The following RBPJ variants were observed in gnomAD, a reference collection of about 807,000 sequenced individuals.
RBPJ encodes the protein recombining binding protein suppressor of hairless.
RBPJ carries 9 observed loss-of-function variants against 67.8 expected under a neutral mutation model. The observed-to-expected ratio is 0.13, with a 90% CI of 0.08 to 0.23. The LOEUF (loss-of-function observed/expected upper bound fraction) is 0.23, where lower values mean the gene tolerates loss of function less well. RBPJ is among the 10% of genes least tolerant of loss of function. The pLI, the probability that RBPJ is intolerant of heterozygous loss-of-function variation, is 1.00. For synonymous variants in RBPJ, 198 were observed against 203.3 expected, an observed-to-expected ratio of 0.97 and a Z score of 0.22; for missense variants, 305 against 595.6, an observed-to-expected ratio of 0.51 and a Z score of 5.08.
intron 1 of RBPJ, among the ~76,000 whole-genome samples, chr4:26,281,828 T>C (rs895658226): frequency 1.4e-4 from 21 of 152,368 alleles, no homozygotes; most frequent in Middle Eastern, 6.8e-3. Context: ...TCTAATTCCT[T>C]GAAGATGTCT....
chr4:26,180,212 A>T (rs1485761484), intron 1 of RBPJ, among the ~76,000 whole-genome samples: 2 of 152,096 alleles, frequency 1.3e-5, no homozygotes, highest in African/African-American at 4.8e-5. Flanking sequence ...CAGGGAAAGT[A>T]ACTATTGGGT....
chr4:26,147,857 T>C, the RBPJ span, among the ~76,000 whole-genome samples: 2 of 152,194 alleles, frequency 1.3e-5, no homozygotes, highest in Non-Finnish European at 2.9e-5. Context: ...TGAGGGATCA[T>C]GGAAGGCCTG....
chr4:26,171,090 C>T (rs1328431005), intron 1 of RBPJ, among the ~76,000 whole-genome samples: 1 of 152,128 alleles, frequency 6.6e-6, no homozygotes, highest in Non-Finnish European at 1.5e-5. Flanking sequence ...TTGCGCTGTG[C>T]CTCTTCCATT....
At chr4:26,108,981 G>C in the RBPJ span, among the ~76,000 whole-genome samples, 7 of 151,952 alleles carry the variant, frequency 4.6e-5, no homozygotes, top group African/African-American at 1.7e-4. Context: ...TATAAAGTCT[G>C]TCCTTGTCTG....
At chr4:26,336,135 A>G (rs1724809592) in intron 1 of RBPJ, among the ~76,000 whole-genome samples, 1 of 152,192 alleles carries the variant, frequency 6.6e-6, no homozygotes, top group Non-Finnish European at 1.5e-5. Context: ...ATCATCAGAC[A>G]AATACATATT....
In RBPJ at chr4:26,431,976, C is replaced by T. The variant is rs147388257; in HGVS notation, c.*969C>T. ...AGTGTTCTCTCCCCTTTTCCCATGA[C>T]GTAAATACATAGGTGTGTTCCAGGA... On this transcript the variant is annotated 3_prime_UTR_variant, in exon 11 of 11. Coordinates refer to ENST00000355476, the MANE Select transcript of RBPJ (RefSeq NM_015874.6). 12 of 152,286 alleles carry T rather than the reference C, an allele frequency of 7.9e-5. No individual in the cohort carries two copies. The highest frequency in any genetic ancestry group is 1.0e-4 in the Non-Finnish European group (7 of 68,028). The allele number at this position is 152,286 out of a possible 1,614,324, so 9.4% of individuals were successfully genotyped here.
In RBPJ at chr4:26,415,581, G is replaced by A; in HGVS notation, c.262G>A (p.Ala88Thr). 6.2e-7 allele frequency: 1 copy of A among 1,611,654 alleles called. No individual in the cohort carries two copies. The highest frequency in any genetic ancestry group is 1.1e-5 in the South Asian group (1 of 90,230). The change falls in exon 4 of 11, where the codon GCA (alanine) becomes ACA (threonine). Residue 88 changes from alanine (A) to threonine (T), a missense_variant. This residue lies in a region of RBPJ where 79 missense variants were observed against 106.2 expected (regional missense o/e 0.74). Transcript: ENST00000355476. ...GCSEQESQPC[A>T]FIGIGNSDQE... ...TTCTGAACAAGAGTCTCAACCGTGT[G>A]CATTTATTGGGATAGGAAATAGTGA...
At position 26,197,521 on chromosome 4, in the gene RBPJ, A is replaced by G. The variant is rs569082911; in HGVS notation, c.-167+33907A>G. Among the ~76,000 whole-genome samples, 7 of 152,074 alleles carry G rather than the reference A, an allele frequency of 4.6e-5. No individual in the cohort carries two copies. The South Asian group carries it at 1.5e-3, about 32-fold the overall frequency. ...ACTTTGTCAGTGGTCCCAGCAACAC[A>G]CTCTGCTGCTAATAGCCATCTCGTT... On this transcript the variant is annotated intron_variant, in intron 1 of 4. Transcript: ENST00000512351.
At chr4:26,365,473 T>C (rs1480962791) in intron 1 of RBPJ, among the ~76,000 whole-genome samples, 1 of 152,190 alleles carries the variant, frequency 6.6e-6, no homozygotes, top group Non-Finnish European at 1.5e-5. Flanking sequence ...ATAAATTCAG[T>C]GGGTTATGAC....
At chr4:26,343,049 G>A (rs1725709694) in intron 1 of RBPJ, 1 of 152,128 alleles carries the variant, frequency 6.6e-6, no homozygotes, top group South Asian at 2.1e-4. Context: ...TGTGGATGTG[G>A]CTTAAAAACT....
chr4:26,406,544 C>T (rs527422173), intron 3 of RBPJ, among the ~76,000 whole-genome samples: 3 of 152,224 alleles, frequency 2.0e-5, no homozygotes, highest in East Asian at 1.9e-4. Flanking sequence ...GGGTGCCCCT[C>T]GCAGATGGAA....
At chr4:26,132,618 C>T in the RBPJ span, among the ~76,000 whole-genome samples, 1 of 152,170 alleles carries the variant, frequency 6.6e-6, no homozygotes, top group African/African-American at 2.4e-5. Flanking sequence ...GACTCATATA[C>T]CCTTTTCTTC....
At chr4:26,425,350 T>A (rs900790685) in intron 7 of RBPJ, among the ~76,000 whole-genome samples, 3 of 151,994 alleles carry the variant, frequency 2.0e-5, no homozygotes, top group Admixed American at 1.3e-4. Context: ...CTTCAACAGG[T>A]GAAGGCAGGA....
At chr4:26,193,977 T>A (rs1717662139) in intron 1 of RBPJ, among the ~76,000 whole-genome samples, 1 of 152,202 alleles carries the variant, frequency 6.6e-6, no homozygotes, top group Non-Finnish European at 1.5e-5. Context: ...ACATCTTGCT[T>A]CCTTTACGTA....
rs56940118 is a variant in RBPJ at position 26,210,744 on chromosome 4, C to CTTTCTTTCT, written c.-167+47132_-167+47133insTCTTTCTTT. Among the ~76,000 whole-genome samples, 172 of 47,818 alleles carry CTTTCTTTCT rather than the reference C, an allele frequency of 3.6e-3. 3 individuals are homozygous for CTTTCTTTCT. Among genetic ancestry groups the CTTTCTTTCT allele is most frequent in the Middle Eastern group, 0.019 (2 of 108 alleles). 31.4% of individuals were successfully genotyped at this position (47,818 alleles called of 152,430 possible). On this transcript the variant is annotated intron_variant, in intron 1 of 4. Coordinates refer to the RBPJ transcript ENST00000512351. ...CTTTCTTTCCTTCTTTACTTCTTTC[C>CTTTCTTTCT]TTCTTTCCTTCTTTCTTTCTTTCTT...
At chr4:26,141,154 C>G in the RBPJ span, among the ~76,000 whole-genome samples, 2 of 152,206 alleles carry the variant, frequency 1.3e-5, no homozygotes, top group East Asian at 3.8e-4. Context: ...CTGGGCTGTG[C>G]TGAGAATTAA....
intron 1 of RBPJ, among the ~76,000 whole-genome samples, chr4:26,232,870 T>C (rs1237320686): frequency 6.6e-6 from 1 of 152,236 alleles, no homozygotes; most frequent in African/African-American, 2.4e-5. Flanking sequence ...AATAAATCCC[T>C]ATATGTAAAG....
chr4:26,347,480 AGGTACACT>A (rs1476660936), intron 1 of RBPJ, among the ~76,000 whole-genome samples: 1 of 152,198 alleles, frequency 6.6e-6, no homozygotes, highest in African/African-American at 2.4e-5. Context: ...TTCTAGAAGG[AGGTACACT>A]GGTCAGTGGT....
chr4:26,183,429 C>T (rs1157846737), intron 1 of RBPJ, among the ~76,000 whole-genome samples: 1 of 152,200 alleles, frequency 6.6e-6, no homozygotes, highest in Non-Finnish European at 1.5e-5. Flanking sequence ...ACCGTCCATT[C>T]TTGTTAATAA....
Sources: gnomAD v4.1 joint callset for allele counts (sites outside exome capture counted in the v4.1 genomes callset) on GRCh38, gnomAD v4.1.1 for gene constraint, gnomAD v4.1.1 regional missense constraint, MANE v1.5 for transcripts, NCBI Gene and HGNC (gene_info 2026-07-23, HGNC 2026-07-21) for gene names.